TENM4: variants seen among roughly 807,000 people sequenced by gnomAD.
TENM4 encodes teneurin transmembrane protein 4.
TENM4 carries 82 observed loss-of-function variants against 243.3 expected under a neutral mutation model. The ratio of observed to expected loss-of-function variants is 0.34; its 90% confidence interval spans 0.28 to 0.40. TENM4 has a LOEUF of 0.40. Among genes scored for constraint, TENM4 ranks in the 10% least tolerant of loss-of-function variants. The pLI, the probability that TENM4 is intolerant of heterozygous loss-of-function variation, is 1.00. For missense variants in TENM4, 3,138 were observed against 3,673.3 expected, an observed-to-expected ratio of 0.85 and a Z score of 3.77; for synonymous variants, 1,412 against 1,456.3, an observed-to-expected ratio of 0.97 and a Z score of 0.69.
chr11:79,031,008 G>C (rs1396503991), intron 6 of TENM4, among the ~76,000 whole-genome samples: 1 of 152,178 alleles, frequency 6.6e-6, no homozygotes, highest in Admixed American at 6.5e-5. Context: ...GGTGGATAAA[G>C]GGACATATAT....
intron 2 of TENM4, among the ~76,000 whole-genome samples, chr11:79,277,915 T>C (rs1417061765): frequency 1.8e-4 from 27 of 152,144 alleles, no homozygotes. Flanking sequence ...GAGAGCAAAT[T>C]GAACATGTAC....
intron 4 of TENM4, among the ~76,000 whole-genome samples, chr11:79,094,977 T>A (rs1639250897): frequency 6.6e-6 from 1 of 152,190 alleles, no homozygotes; most frequent in Non-Finnish European, 1.5e-5. Flanking sequence ...CAGGGGCAGA[T>A]CTGTCCCTTC....
Position 78,991,738 on chromosome 11 carries a change from T to C in TENM4, c.493+73000A>G, listed in dbSNP as rs141615459. Among the ~76,000 whole-genome samples, 657 of 152,294 alleles carry C rather than the reference T, an allele frequency of 4.3e-3. 5 individuals carry two copies. Among genetic ancestry groups the C allele is most frequent in the African/African-American group, 0.015 (628 of 41,570 alleles). On this transcript the variant is annotated intron_variant, in intron 6 of 33. Transcript: ENST00000278550. ...GCAATTTCTCCCTTGGTTTTCCCCA[T>C]GGACCCATGCTACTTTGGTAGGGAA...
intron 6 of TENM4, among the ~76,000 whole-genome samples, chr11:79,013,278 C>A (rs879527589): frequency 4.6e-5 from 7 of 152,242 alleles, no homozygotes; most frequent in Non-Finnish European, 8.8e-5. Flanking sequence ...CTTGCAACGT[C>A]TTCTCAGGCT....
intron 26 of TENM4, 146 bp from the exon 27 acceptor site, chr11:78,708,661 A>AAT: frequency 1.6e-5 from 16 of 990,628 alleles, no homozygotes; most frequent in Non-Finnish European, 2.2e-5. Context: ...CTCAAAGAGG[A>AAT]GGAGTCTCAG....
chr11:79,256,241 C>A (rs749081671), intron 2 of TENM4, among the ~76,000 whole-genome samples: 1 of 152,214 alleles, frequency 6.6e-6, no homozygotes, highest in Non-Finnish European at 1.5e-5. Context: ...TGGGTAGTAA[C>A]AGTTTCCTGG....
chr11:79,064,944 T>A lies in TENM4; in HGVS notation c.287A>T (p.Tyr96Phe), dbSNP rs2136987107. 6.6e-7 allele frequency: 1 copy of A among 1,508,314 alleles called. No individual in the cohort carries two copies. The highest frequency in any genetic ancestry group is 2.5e-5 in the East Asian group (1 of 40,120). The allele number at this position is 1,508,314 out of a possible 1,614,324, so 93.4% of individuals were successfully genotyped here. The change falls in exon 6 of 34, where the codon TAC becomes TTC. Residue 96 changes from tyrosine to phenylalanine, a missense_variant. Transcript: ENST00000278550. ...EEVTPPHGTL[Y>F]RTDIGLPHCG... ...GTGGGGGAGGCCAATGTCTGTCCGG[T>A]ACAGGGTCCCGTGAGGGGGCGTTAC...
chr11:79,420,640 T>A (rs1858911566), intron 1 of TENM4, among the ~76,000 whole-genome samples: 1 of 152,142 alleles, frequency 6.6e-6, no homozygotes, highest in African/African-American at 2.4e-5. Context: ...CCTCTCTAAT[T>A]TGGCATTTAT....
At chr11:78,902,211 T>TC (rs1173533062) in intron 7 of TENM4, among the ~76,000 whole-genome samples, 2 of 152,228 alleles carry the variant, frequency 1.3e-5, no homozygotes, top group Admixed American at 6.5e-5. Flanking sequence ...GCTCCCAAAG[T>TC]CAACAGCGCT....
chr11:79,103,363 T>C (rs1484857069), intron 4 of TENM4, among the ~76,000 whole-genome samples: 2 of 152,222 alleles, frequency 1.3e-5, no homozygotes, highest in Admixed American at 6.5e-5. Context: ...GATTGCTCCC[T>C]GAAGGATGAC....
At chr11:79,303,833 C>T (rs771273530) in intron 1 of TENM4, among the ~76,000 whole-genome samples, 7 of 152,066 alleles carry the variant, frequency 4.6e-5, no homozygotes, top group South Asian at 2.1e-4. Flanking sequence ...AATAGGTCCC[C>T]GGGCAGCTAG....
chr11:78,990,650 A>G (rs1040588313), intron 6 of TENM4, among the ~76,000 whole-genome samples: 2 of 152,206 alleles, frequency 1.3e-5, no homozygotes, highest in African/African-American at 4.8e-5. Flanking sequence ...ACACACAGAT[A>G]GGAGTCTGTA....
At chr11:79,097,522 T>C (rs2137069144) in intron 4 of TENM4, 3 of 152,288 alleles carry the variant, frequency 2.0e-5, no homozygotes, top group Admixed American at 2.0e-4. Flanking sequence ...CACGCACATT[T>C]GGAAATTGAA....
At position 79,376,934 on chromosome 11, in the gene TENM4, G is replaced by A. The variant is rs200354103; in HGVS notation, c.-321+63575C>T. On this transcript the variant is annotated intron_variant, in intron 1 of 33. Transcript: ENST00000278550. Reference sequence around the variant, plus strand: ...GTACTATCCCTCGGAACAGGGACATGTTATCCTATTTGGTAAAAGGATCTT... The same window carrying A: ...GTACTATCCCTCGGAACAGGGACATATTATCCTATTTGGTAAAAGGATCTT... 2.3e-4 allele frequency among the ~76,000 whole-genome samples: 35 copies of A among 152,324 alleles called. No homozygotes were observed. The East Asian group carries it at 4.4e-3, about 19-fold the overall frequency.
chr11:79,140,737 A>G (rs1460646995), intron 4 of TENM4, among the ~76,000 whole-genome samples: 1 of 150,516 alleles, frequency 6.6e-6, no homozygotes, highest in Non-Finnish European at 1.5e-5. Flanking sequence ...TTATTCTCCA[A>G]ATGTATTTTC....
chr11:78,841,662 C>G (rs546616149), intron 12 of TENM4, among the ~76,000 whole-genome samples: 1 of 152,268 alleles, frequency 6.6e-6, no homozygotes, highest in East Asian at 1.9e-4. Context: ...AGTCTTCCCC[C>G]CTGGCTCCTT....
chr11:78,879,783 ATGT>A (rs1403608301), intron 9 of TENM4, among the ~76,000 whole-genome samples: 3 of 151,446 alleles, frequency 2.0e-5, no homozygotes, highest in African/African-American at 7.3e-5. Context: ...CCTGTCTGGG[ATGT>A]GAGGAGCGCC....
At chr11:78,929,523 C>T (rs1856625422) in intron 6 of TENM4, among the ~76,000 whole-genome samples, 1 of 152,166 alleles carries the variant, frequency 6.6e-6, no homozygotes, top group Admixed American at 6.5e-5. Context: ...TACAATGGGG[C>T]TGCCTAGGTC....
At chr11:79,331,799 A>G (rs537944682) in intron 1 of TENM4, among the ~76,000 whole-genome samples, 135 of 152,312 alleles carry the variant, frequency 8.9e-4, no homozygotes, top group South Asian at 5.2e-3. Flanking sequence ...AGCTCAGCCT[A>G]CCAGCCTCTC....
Sources: allele counts gnomAD v4.1 joint callset (sites outside exome capture counted in the v4.1 genomes callset), GRCh38; gene constraint gnomAD v4.1.1; transcripts MANE v1.5; gene names NCBI Gene and HGNC (gene_info 2026-07-23, HGNC 2026-07-21).